Variants in INVS observed in about 807,000 individuals in gnomAD.
INVS encodes the protein inversion of embryo turning homolog.
A neutral mutation model predicts 108.8 loss-of-function variants in INVS; 86 were observed. The observed-to-expected ratio is 0.79, with a 90% CI of 0.66 to 0.95. The LOEUF is 0.95. Ranked by LOEUF, INVS falls within the 40% of genes least tolerant of loss-of-function variation. The pLI, the probability that INVS is intolerant of heterozygous loss-of-function variation, is 0.00. For missense variants in INVS, 1,169 were observed against 1,297.4 expected (o/e 0.90, Z 1.52); for synonymous variants, 455 against 473.5 (o/e 0.96, Z 0.51).
At chr9:100,291,311 C>T (rs761906270) in intron 13 of INVS, among the ~76,000 whole-genome samples, 2 of 152,174 alleles carry the variant, frequency 1.3e-5, no homozygotes, top group Non-Finnish European at 2.9e-5. Context: ...ATTCCTGCCT[C>T]GGCCTCCCAA....
At position 100,104,603 on chromosome 9, in the gene INVS, G is replaced by T; in HGVS notation, c.82G>T (p.Gly28Cys). 1.2e-6 allele frequency: 2 copies of T among 1,613,832 alleles called. No homozygotes were observed. Among genetic ancestry groups the T allele is most frequent in the Non-Finnish European group, 1.7e-6 (2 of 1,179,778 alleles). The change falls in exon 2 of 17, where the codon GGT becomes TGT. Residue 28 changes from glycine to cysteine, a missense_variant. Physicochemically the swap from Gly to Cys is radical, Grantham distance 159. This residue lies in a region of INVS where 365 missense variants were observed against 397.5 expected (regional missense o/e 0.92). Coordinates refer to ENST00000262457, the MANE Select transcript of INVS (RefSeq NM_014425.5). ...TGCTGCTGCCGTTAATGGAGATAAG[G>T]GTGCTCTACAGAGGCTCATCGTAGG... The part of the protein sequence containing the change: ...VHAAAVNGDK[G>C]ALQRLIVGNS...
intron 11 of INVS, among the ~76,000 whole-genome samples, chr9:100,269,285 A>G (rs1291626434): frequency 6.6e-6 from 1 of 152,196 alleles, no homozygotes; most frequent in Non-Finnish European, 1.5e-5. Flanking sequence ...ATTTAGCTCT[A>G]CTATTGCATG....
chr9:100,149,211 G>A (rs932049451), intron 3 of INVS, among the ~76,000 whole-genome samples: 3 of 152,146 alleles, frequency 2.0e-5, no homozygotes, highest in Non-Finnish European at 1.5e-5. Context: ...GCTATGTAGC[G>A]AATGGGTATC....
rs750082874 is a variant in INVS, at chr9:100,246,601, C to CA, written c.907-13dup. On this transcript the variant is annotated splice_polypyrimidine_tract_variant and intron_variant, in intron 7 of 16. Transcript: ENST00000262457. ...ACTGTTTTGTCTCCATTTTTTAAAT[C>CA]AAGTTTTCTTACAGGAAACGGTTAA... The CA allele has an allele frequency of 2.2e-5, 35 of 1,601,136 alleles. No individual in the cohort carries two copies. The highest frequency in any genetic ancestry group is 2.0e-4 in the South Asian group (18 of 90,664).
chr9:100,161,371 A>AC, intron 3 of INVS, among the ~76,000 whole-genome samples: 1 of 149,284 alleles, frequency 6.7e-6, no homozygotes, highest in African/African-American at 2.5e-5. Context: ...TCTCAAAAAA[A>AC]AAAAAAAAAA....
At chr9:100,135,338 C>G (rs1323057539) in intron 3 of INVS, among the ~76,000 whole-genome samples, 1 of 152,058 alleles carries the variant, frequency 6.6e-6, no homozygotes, top group Non-Finnish European at 1.5e-5. Flanking sequence ...TGCTCTTATC[C>G]AGGGGTTCTT....
chr9:100,239,976 G>T, intron 5 of INVS, 84 bp from the exon 6 acceptor site: 1 of 1,295,016 alleles, frequency 7.7e-7, no homozygotes, highest in East Asian at 2.3e-5. Context: ...CTCTAAAAAA[G>T]AAAGAAAGAA....
At chr9:100,262,657 A>C (rs1315326226) in intron 10 of INVS, among the ~76,000 whole-genome samples, 1 of 151,370 alleles carries the variant, frequency 6.6e-6, no homozygotes, top group Non-Finnish European at 1.5e-5. Flanking sequence ...AAAAAAAAAA[A>C]AAAACTTGAT....
intron 3 of INVS, among the ~76,000 whole-genome samples, chr9:100,204,468 T>C (rs1427263515): frequency 6.6e-6 from 1 of 152,224 alleles, no homozygotes; most frequent in African/African-American, 2.4e-5. Flanking sequence ...GTGTCAAATA[T>C]TGGTCTCTTG....
intron 4 of INVS, among the ~76,000 whole-genome samples, chr9:100,228,365 A>G (rs1356771249): frequency 6.6e-6 from 1 of 152,196 alleles, no homozygotes; most frequent in Non-Finnish European, 1.5e-5. Flanking sequence ...TTCAAAATGT[A>G]TCTTTTCATC....
At chr9:100,140,126 G>A (rs1330094131) in intron 3 of INVS, among the ~76,000 whole-genome samples, 1 of 152,164 alleles carries the variant, frequency 6.6e-6, no homozygotes, top group South Asian at 2.1e-4. Context: ...TATGCATTCT[G>A]TTTCTATGGA....
chr9:100,272,472 A>G (rs1217993579), intron 11 of INVS, among the ~76,000 whole-genome samples: 1 of 152,206 alleles, frequency 6.6e-6, no homozygotes, highest in East Asian at 1.9e-4. Context: ...CTTCATAAGC[A>G]TTAACTGTCA....
intron 3 of INVS, among the ~76,000 whole-genome samples, chr9:100,219,434 C>A (rs1281040726): frequency 6.6e-6 from 1 of 152,048 alleles, no homozygotes; most frequent in African/African-American, 2.4e-5. Flanking sequence ...ATAGCAAGAC[C>A]CCTTCTATTA....
In INVS at chr9:100,292,389, G is replaced by A; in HGVS notation, c.2132G>A (p.Ser711Asn). 1 of 1,614,190 alleles carries A rather than the reference G, an allele frequency of 6.2e-7. No homozygotes were observed. Among genetic ancestry groups the A allele is most frequent in the Non-Finnish European group, 8.5e-7 (1 of 1,180,046 alleles). Reference protein sequence around the residue: ...ACVHFRPNEGSDGSRHPGVPS... With the variant: ...ACVHFRPNEGNDGSRHPGVPS... Reference sequence around the variant, plus strand: ...GTCCACTTCAGACCCAATGAAGGCAGTGATGGAAGCAGGCATCCAGGAGTT... The same window carrying A: ...GTCCACTTCAGACCCAATGAAGGCAATGATGGAAGCAGGCATCCAGGAGTT... The change falls in exon 14 of 17, where the codon AGT becomes AAT. Residue 711 changes from serine (S) to asparagine (N), a missense_variant. Around this residue, in one of 3 missense-constraint regions of INVS, gnomAD observed 533 missense variants for 536.0 expected, o/e 0.99. Coordinates refer to ENST00000262457, the MANE Select transcript of INVS (RefSeq NM_014425.5).
chr9:100,214,599 T>C (rs1588093879), intron 3 of INVS, among the ~76,000 whole-genome samples: 1 of 152,192 alleles, frequency 6.6e-6, no homozygotes, highest in Admixed American at 6.5e-5. Flanking sequence ...TTTGTGTACA[T>C]CAGATTAAAA....
chr9:100,139,141 T>C (rs552806656), intron 3 of INVS, among the ~76,000 whole-genome samples: 1 of 152,344 alleles, frequency 6.6e-6, no homozygotes, highest in South Asian at 2.1e-4. Context: ...TATTTGTTGT[T>C]GTTGTTTTCA....
intron 10 of INVS, among the ~76,000 whole-genome samples, chr9:100,255,440 C>A (rs1244499826): frequency 2.6e-5 from 4 of 152,196 alleles, no homozygotes; most frequent in African/African-American, 9.7e-5. Context: ...GCCAGAACTT[C>A]CAACACTGTG....
chr9:100,142,514 A>C (rs893293809), intron 3 of INVS, among the ~76,000 whole-genome samples: 1 of 152,140 alleles, frequency 6.6e-6, no homozygotes, highest in Non-Finnish European at 1.5e-5. Flanking sequence ...TGTCAGGTGG[A>C]TCAGAGAGAT....
intron 3 of INVS, among the ~76,000 whole-genome samples, chr9:100,181,318 G>A (rs572260784): frequency 2.0e-4 from 31 of 152,264 alleles, no homozygotes; most frequent in African/African-American, 6.3e-4. Context: ...AGGAAGAGAG[G>A]AAGCCAAATT....
Sources: allele counts gnomAD v4.1 joint callset (sites outside exome capture counted in the v4.1 genomes callset), GRCh38; gene constraint gnomAD v4.1.1; regional missense constraint gnomAD v4.1.1; transcripts MANE v1.5; gene names NCBI Gene and HGNC (gene_info 2026-07-23, HGNC 2026-07-21).